KLHL7: variants seen among roughly 807,000 people sequenced by gnomAD.
The protein encoded by KLHL7 is kelch-like protein 7.
A neutral mutation model predicts 67.4 loss-of-function variants in KLHL7; 44 were observed. That is an observed-to-expected ratio of 0.65 (90% CI 0.51 to 0.84). KLHL7 has a LOEUF of 0.84. Ranked by LOEUF, KLHL7 falls within the 40% of genes least tolerant of loss-of-function variation. The probability of loss-of-function intolerance (pLI) is 0.00; values close to 1 mark genes in which losing one functional copy is unlikely to be tolerated. For missense variants in KLHL7, 362 were observed against 718.1 expected, an observed-to-expected ratio of 0.50 and a Z score of 5.67; for synonymous variants, 252 against 243.3, an observed-to-expected ratio of 1.04 and a Z score of -0.33.
chr7:23,140,738 T>C, intron 4 of KLHL7, 31 bp from the exon 5 acceptor site: 1 of 1,599,738 alleles, frequency 6.3e-7, no homozygotes, highest in South Asian at 1.1e-5. Flanking sequence ...AAAAATGATT[T>C]TCTATTCTTT....
intron 9 of KLHL7, among the ~76,000 whole-genome samples, chr7:23,170,851 T>C (rs1785136361): frequency 6.6e-6 from 1 of 151,880 alleles, no homozygotes; most frequent in Non-Finnish European, 1.5e-5. Context: ...AAGAAAGAAA[T>C]TATGTCTATG....
chr7:23,153,148 A>C (rs148881491), intron 7 of KLHL7, among the ~76,000 whole-genome samples: 3 of 152,236 alleles, frequency 2.0e-5, no homozygotes, highest in Admixed American at 2.0e-4. Flanking sequence ...AATGGACAAT[A>C]AAATGAACTG....
Position 23,105,801 on chromosome 7 carries a change from C to A in KLHL7, c.-226C>A, listed in dbSNP as rs755868761. 4 of 595,734 alleles carry A rather than the reference C, an allele frequency of 6.7e-6. No homozygotes were observed. The Admixed American group carries it at 8.6e-5, about 13-fold the overall frequency. The allele number at this position is 595,734 out of a possible 1,614,324, so 36.9% of individuals were successfully genotyped here. A position where few individuals can be genotyped will look rare whatever the true frequency, so the allele number is the denominator to read the frequency against. ...GCAGGGCTCGGGTTCTGCCCGGGGA[C>A]GCAGCCCAGTTGGTAGCGTCGCTCC... On this transcript the variant is annotated 5_prime_UTR_variant, in exon 1 of 11. Coordinates refer to ENST00000339077, the MANE Select transcript of KLHL7 (RefSeq NM_001031710.3).
intron 1 of KLHL7, among the ~76,000 whole-genome samples, chr7:23,116,272 A>C (rs546579175): frequency 2.0e-5 from 3 of 152,254 alleles, no homozygotes; most frequent in Admixed American, 6.5e-5. Flanking sequence ...ATGGCCTTTA[A>C]CATTCCTTTA....
At chr7:23,134,075 T>G (rs1383380993) in intron 4 of KLHL7, among the ~76,000 whole-genome samples, 1 of 152,218 alleles carries the variant, frequency 6.6e-6, no homozygotes, top group Non-Finnish European at 1.5e-5. Flanking sequence ...AATATGATAC[T>G]AGCTATGGGT....
chr7:23,105,833 G>A lies in KLHL7; in HGVS notation c.-194G>A, dbSNP rs763475302. The A allele has an allele frequency of 8.0e-5, 63 of 791,486 alleles. 1 individual carries two copies. In the South Asian group the frequency reaches 8.0e-4, roughly 10 times the overall value. The allele number at this position is 791,486 out of a possible 1,614,324, so 49.0% of individuals were successfully genotyped here. On this transcript the variant is annotated 5_prime_UTR_variant, in exon 1 of 11. Coordinates refer to ENST00000339077, the MANE Select transcript of KLHL7 (RefSeq NM_001031710.3). ...CAGTTGGTAGCGTCGCTCCCTGAGC[G>A]TTTCTAAGGGGGCCGCCCGGCCTTG...
At chr7:23,169,764 C>A (rs947996259) in intron 9 of KLHL7, among the ~76,000 whole-genome samples, 1 of 152,148 alleles carries the variant, frequency 6.6e-6, no homozygotes, top group Non-Finnish European at 1.5e-5. Context: ...TAAAAACTTA[C>A]AAGACCTAGC....
In KLHL7 at chr7:23,140,954, T is replaced by C. The variant is rs1248148456; in HGVS notation, c.618+10T>C. On this transcript the variant is annotated intron_variant, in intron 5 of 10. Transcript: ENST00000339077. ...GAGAGCAGAGGATCAGGTGACTAAA[T>C]TGCCTTCTCACATTTTTCTTAATAA... 5 of 1,611,780 alleles carry C rather than the reference T, an allele frequency of 3.1e-6. No individual in the cohort carries two copies. The highest frequency in any genetic ancestry group is 4.2e-6 in the Non-Finnish European group (5 of 1,178,300).
intron 7 of KLHL7, among the ~76,000 whole-genome samples, chr7:23,164,856 T>C (rs2128469362): frequency 6.6e-6 from 1 of 152,328 alleles, no homozygotes; most frequent in South Asian, 2.1e-4. Flanking sequence ...AGATTGGGAA[T>C]GGTATGAATT....
chr7:23,107,865 A>G (rs1171387070), intron 1 of KLHL7, among the ~76,000 whole-genome samples: 1 of 152,220 alleles, frequency 6.6e-6, no homozygotes, highest in Admixed American at 6.5e-5. Flanking sequence ...ATCTTTTGCA[A>G]GATGTGCAGT....
In KLHL7 at chr7:23,169,861, A is replaced by C. The variant is rs1222541053; in HGVS notation, c.1379+1824A>C. ...CTTAAATTTTCACAAATGAAAAGCT[A>C]GTGTGAATATAATTATCCAACTCTC... On this transcript the variant is annotated intron_variant, in intron 9 of 10. Coordinates refer to ENST00000339077, the MANE Select transcript of KLHL7 (RefSeq NM_001031710.3). 3.3e-5 allele frequency among the ~76,000 whole-genome samples: 5 copies of C among 152,198 alleles called. No individual in the cohort carries two copies. The East Asian group carries it at 9.6e-4, about 29-fold the overall frequency.
At chr7:23,146,378 T>C (rs56776456) in intron 6 of KLHL7, among the ~76,000 whole-genome samples, 3,956 of 152,268 alleles carry the variant, frequency 0.026, 163 homozygotes, top group African/African-American at 0.09. Flanking sequence ...TCTTCATAGA[T>C]TGTGTTTTGG....
chr7:23,116,171 T>C (rs1472242598), intron 1 of KLHL7, among the ~76,000 whole-genome samples: 1 of 152,182 alleles, frequency 6.6e-6, no homozygotes, highest in Non-Finnish European at 1.5e-5. Context: ...CCCATTAAGA[T>C]CCTGTCATGC....
chr7:23,174,232 A>G lies in KLHL7; in HGVS notation c.1695A>G (p.Pro565=). ...WVANSKVRAF[P]VTSCLICVVD... is the part of the protein sequence containing the mutation. ...CCAACTCCAAAGTTCGTGCTTTTCC[A>G]GTCACAAGTTGTTTAATTTGTGTTG... Residue 565 remains proline (P), a synonymous_variant, in exon 11 of 11, where the codon CCA becomes CCG. Coordinates refer to ENST00000339077, the MANE Select transcript of KLHL7 (RefSeq NM_001031710.3). 2 of 1,614,206 alleles carry G rather than the reference A, an allele frequency of 1.2e-6. No homozygotes were observed. Among genetic ancestry groups the G allele is most frequent in the South Asian group, 1.1e-5 (1 of 91,086 alleles).
intron 4 of KLHL7, among the ~76,000 whole-genome samples, chr7:23,131,147 G>C (rs939774931): frequency 6.6e-6 from 1 of 152,194 alleles, no homozygotes; most frequent in African/African-American, 2.4e-5. Flanking sequence ...GCATGCTTAT[G>C]TACTGTGACG....
intron 1 of KLHL7, among the ~76,000 whole-genome samples, chr7:23,108,175 A>T (rs934421660): frequency 6.6e-6 from 1 of 152,254 alleles, no homozygotes; most frequent in Non-Finnish European, 1.5e-5. Context: ...ACATCCAGAA[A>T]CATTCCTTCA....
intron 7 of KLHL7, among the ~76,000 whole-genome samples, chr7:23,162,925 G>A (rs1047292137): frequency 4.6e-5 from 7 of 151,838 alleles, no homozygotes; most frequent in Admixed American, 6.6e-5. Context: ...TCCCTAATTC[G>A]GCTCGATTTT....
intron 6 of KLHL7, among the ~76,000 whole-genome samples, 170 bp downstream of exon 6, chr7:23,144,195 G>A (rs1251925860): frequency 6.6e-6 from 1 of 152,156 alleles, no homozygotes; most frequent in African/African-American, 2.4e-5. Flanking sequence ...GAAGGGACTT[G>A]GCCTCAACCC....
intron 1 of KLHL7, among the ~76,000 whole-genome samples, chr7:23,113,934 A>C (rs1306594564): frequency 6.6e-6 from 1 of 152,222 alleles, no homozygotes; most frequent in Non-Finnish European, 1.5e-5. Context: ...ATATCAGATT[A>C]GCTTATTTGA....
Sources: gnomAD v4.1 joint callset for allele counts (sites outside exome capture counted in the v4.1 genomes callset) on GRCh38, gnomAD v4.1.1 for gene constraint, MANE v1.5 for transcripts, NCBI Gene and HGNC (gene_info 2026-07-23, HGNC 2026-07-21) for gene names.